Variants in C1orf159 observed in about 807,000 individuals in gnomAD.
C1orf159 encodes the protein chromosome 1 open reading frame 159.
Under a neutral mutation model 25.6 loss-of-function variants are expected in C1orf159, and 19 were observed. The observed-to-expected ratio is 0.74, with a 90% confidence interval of 0.52 to 1.09. The LOEUF is 1.09. Ranked by LOEUF, C1orf159 falls within the 50% of genes least tolerant of loss-of-function variation. The probability of loss-of-function intolerance (pLI) is 0.00; values close to 1 mark genes in which losing one functional copy is unlikely to be tolerated. For missense variants in C1orf159, 274 were observed against 290.6 expected (o/e 0.94, Z 0.42); for synonymous variants, 139 against 124.7 (o/e 1.12, Z -0.77).
At chr1:1,107,868 A>G (rs1376661211) in intron 1 of C1orf159, among the ~76,000 whole-genome samples, 1 of 152,040 alleles carries the variant, frequency 6.6e-6, no homozygotes, top group Non-Finnish European at 1.5e-5. Flanking sequence ...CTGCAGCTTC[A>G]CTCCTGAAGC....
intron 1 of C1orf159, among the ~76,000 whole-genome samples, chr1:1,094,329 C>T (rs955939228): frequency 1.3e-5 from 2 of 152,158 alleles, no homozygotes; most frequent in African/African-American, 4.8e-5. Context: ...TGCGTCACCA[C>T]CACGCTCAGC....
intron 9 of C1orf159, chr1:1,084,144 C>G (rs370483872): frequency 6.5e-7 from 1 of 1,548,556 alleles, no homozygotes; most frequent in South Asian, 1.2e-5. Flanking sequence ...GGGCAGGGGG[C>G]GCCGGCCAAA....
chr1:1,098,946 T>A (rs1271556066), intron 1 of C1orf159, among the ~76,000 whole-genome samples: 2 of 152,072 alleles, frequency 1.3e-5, no homozygotes, highest in African/African-American at 4.8e-5. Context: ...ACCATTCAGG[T>A]CAACATGATG....
intron 1 of C1orf159, among the ~76,000 whole-genome samples, chr1:1,102,973 C>T (rs1169084764): frequency 2.0e-5 from 3 of 151,640 alleles, no homozygotes; most frequent in African/African-American, 4.8e-5. Context: ...GGATTACAGG[C>T]GACCACCACC....
intron 1 of C1orf159, among the ~76,000 whole-genome samples, chr1:1,105,189 T>A (rs1210371807): frequency 6.6e-6 from 1 of 152,272 alleles, no homozygotes; most frequent in African/African-American, 2.4e-5. Context: ...TCAGTATGTC[T>A]GGCCAACTAC....
intron 1 of C1orf159, among the ~76,000 whole-genome samples, chr1:1,107,996 G>A (rs1367401052): frequency 6.6e-6 from 1 of 152,216 alleles, no homozygotes; most frequent in Non-Finnish European, 1.5e-5. Context: ...AGGGTCTGCG[G>A]CTTCATTCTT....
At chr1:1,083,776 C>T (rs898837489) in intron 9 of C1orf159, 40 of 779,522 alleles carry the variant, frequency 5.1e-5, no homozygotes, top group South Asian at 3.1e-4. Context: ...CCTAAAGGCA[C>T]GGTCACCTGC....
At chr1:1,101,771 T>C (rs1221990666) in intron 1 of C1orf159, among the ~76,000 whole-genome samples, 2 of 152,228 alleles carry the variant, frequency 1.3e-5, no homozygotes, top group East Asian at 3.9e-4. Context: ...AGTTAATCTT[T>C]AGTTTTTAAT....
intron 3 of C1orf159, chr1:1,090,935 G>C (rs1426324574): frequency 4.5e-6 from 7 of 1,550,414 alleles, no homozygotes; most frequent in Non-Finnish European, 1.7e-6. Flanking sequence ...GGGGGGCTCA[G>C]GGTACCCTCA....
intron 1 of C1orf159, among the ~76,000 whole-genome samples, chr1:1,094,209 T>G (rs545310884): frequency 6.6e-6 from 1 of 151,904 alleles, no homozygotes; most frequent in Non-Finnish European, 1.5e-5. Context: ...GCGATACTCC[T>G]ACATCAGCCT....
chr1:1,113,941 G>C (rs187044284), intron 1 of C1orf159, among the ~76,000 whole-genome samples: 2,231 of 141,002 alleles, frequency 0.016, 64 homozygotes, highest in African/African-American at 0.056. Flanking sequence ...TTTTGAGATG[G>C]AGTCTCGCTC....
rs530749316 is a variant in C1orf159 at position 1,082,426 on chromosome 1, G to A, written c.*467C>T. 4.5e-5 allele frequency: 8 copies of A among 178,732 alleles called. No homozygotes were observed. Among genetic ancestry groups the A allele is most frequent in the South Asian group, 3.3e-4 (3 of 9,116 alleles). 11.1% of individuals were successfully genotyped at this position (178,732 alleles called of 1,614,324 possible). A position where few individuals can be genotyped will look rare whatever the true frequency, so the allele number is the denominator to read the frequency against. On this transcript the variant is annotated 3_prime_UTR_variant, in exon 10 of 10. Coordinates refer to ENST00000421241, the MANE Select transcript of C1orf159 (RefSeq NM_017891.5). ...GGCCGGGCACCGGCTGGAACGGCAC[G>A]AGGACCAGCCTCACTGTTCTCAGAG... is the stretch of plus-strand genomic sequence containing the variant.
At chr1:1,107,083 A>G (rs1481270573) in intron 1 of C1orf159, among the ~76,000 whole-genome samples, 3 of 152,162 alleles carry the variant, frequency 2.0e-5, no homozygotes, top group Non-Finnish European at 4.4e-5. Flanking sequence ...AGCCTCCCCA[A>G]CGGGCACCAC....
intron 9 of C1orf159, chr1:1,083,216 A>C: frequency 5.9e-6 from 3 of 508,316 alleles, no homozygotes; most frequent in South Asian, 2.8e-5. Context: ...CCTCTCATTT[A>C]CACCCTGGGC....
intron 1 of C1orf159, among the ~76,000 whole-genome samples, chr1:1,115,322 G>C (rs905394569): frequency 3.9e-5 from 6 of 152,162 alleles, no homozygotes; most frequent in African/African-American, 1.2e-4. Context: ...GCTACTCCAG[G>C]TGACAAACGG....
rs1557747737 is a variant in C1orf159 at position 1,087,958 on chromosome 1, G to A, written c.149-361C>T. Among the ~76,000 whole-genome samples, 1 of 151,416 alleles carries A rather than the reference G, an allele frequency of 6.6e-6. No homozygotes were observed. The highest frequency in any genetic ancestry group is 2.1e-4 in the South Asian group (1 of 4,778). On this transcript the variant is annotated intron_variant, in intron 4 of 9. Transcript: ENST00000421241. This position sits in a 1 kb window ranked among gnomAD's most constrained non-coding sequence, Gnocchi z 8.3. ...ACTCCACGCCGAGCACCCCGGCCCT[G>A]AGCACCCCGACCCTGAGTACTCCAC...
chr1:1,101,398 G>A (rs554647207), intron 1 of C1orf159, among the ~76,000 whole-genome samples: 23 of 152,244 alleles, frequency 1.5e-4, no homozygotes, highest in African/African-American at 2.2e-4. Flanking sequence ...CACAAGAATC[G>A]CTTGAACCCA....
intron 1 of C1orf159, among the ~76,000 whole-genome samples, chr1:1,103,718 C>A (rs11260595): frequency 0.04 from 6,062 of 152,252 alleles, 171 homozygotes; most frequent in African/African-American, 0.08. Context: ...AGGAAGATAG[C>A]GTACTTTCTT....
rs1645822552 is a variant in C1orf159, at chr1:1,085,980, C to T, written c.343G>A (p.Gly115Ser). The change falls in exon 7 of 10, where the codon GGC becomes AGC. Residue 115 changes from glycine (G) to serine (S), a missense_variant. Coordinates refer to ENST00000421241, the MANE Select transcript of C1orf159 (RefSeq NM_017891.5). ...APRVAASLFL[G>S]TFFISSGLIL... ...AGGCCGGAGCTAATGAAGAACGTGC[C>T]CAGGAAGAGGGAGGCGGCCACGCGC... is the stretch of plus-strand genomic sequence containing the variant. The T allele has an allele frequency of 6.2e-7, 1 of 1,613,154 alleles. No individual in the cohort carries two copies. Among genetic ancestry groups the T allele is most frequent in the Admixed American group, 1.7e-5 (1 of 60,002 alleles).
Sources: allele counts gnomAD v4.1 joint callset (sites outside exome capture counted in the v4.1 genomes callset), GRCh38; gene constraint gnomAD v4.1.1; non-coding constraint Gnocchi (gnomAD v3.1); transcripts MANE v1.5; gene names NCBI Gene and HGNC (gene_info 2026-07-23, HGNC 2026-07-21).